The following RALGAPA2 variants were observed in gnomAD, a reference collection of about 807,000 sequenced individuals.
RALGAPA2 encodes Ral GTPase activating protein catalytic subunit alpha 2.
A neutral mutation model predicts 230.4 loss-of-function variants in RALGAPA2; 139 were observed. The ratio of observed to expected loss-of-function variants is 0.60; its 90% CI spans 0.53 to 0.69. The LOEUF (loss-of-function observed/expected upper bound fraction) is 0.69. RALGAPA2 is among the 30% of genes least tolerant of loss of function. RALGAPA2 has a pLI of 0.00. For synonymous variants in RALGAPA2, 847 were observed against 837.8 expected (o/e 1.01, Z -0.19); for missense variants, 2,163 against 2,276.0 (o/e 0.95, Z 1.01).
At chr20:20,635,654 TA>T in intron 8 of RALGAPA2, 37 bp from the exon 9 acceptor site, 2 of 1,451,386 alleles carry the variant, frequency 1.4e-6, no homozygotes, top group Non-Finnish European at 1.9e-6. Context: ...ATTAGGTTAA[TA>T]AATCATAACA....
intron 36 of RALGAPA2, among the ~76,000 whole-genome samples, chr20:20,488,054 T>G (rs917777409): frequency 6.6e-6 from 1 of 152,092 alleles, no homozygotes; most frequent in South Asian, 2.1e-4. Flanking sequence ...AATCCAAGCA[T>G]ACTTAATTCC....
chr20:20,649,802 G>A lies in RALGAPA2; in HGVS notation c.328+3728C>T, dbSNP rs187283592. On this transcript the variant is annotated intron_variant, in intron 4 of 39. Transcript: ENST00000202677. The stretch of plus-strand genomic sequence containing the variant: ...AACTTAAGTCCTGTGTTGACGATGC[G>A]CAGCCTGCCCTTATACCAAATATCC... 5.3e-5 allele frequency among the ~76,000 whole-genome samples: 8 copies of A among 152,218 alleles called. No individual in the cohort carries two copies. In the East Asian group the frequency reaches 9.6e-4, roughly 18 times the overall value.
At chr20:20,400,201 C>T (rs1325539872) in intron 38 of RALGAPA2, among the ~76,000 whole-genome samples, 1 of 152,204 alleles carries the variant, frequency 6.6e-6, no homozygotes. Flanking sequence ...TGGGAATTAG[C>T]CAGCCTAATT....
chr20:20,505,149 G>C (rs2062495149), intron 34 of RALGAPA2: 3 of 985,198 alleles, frequency 3.0e-6, no homozygotes, highest in South Asian at 4.7e-5. Flanking sequence ...TCTATGTCTG[G>C]GAGAGCCCAT....
chr20:20,705,855 G>C (rs1318614892), intron 1 of RALGAPA2, among the ~76,000 whole-genome samples: 1 of 152,154 alleles, frequency 6.6e-6, no homozygotes, highest in Non-Finnish European at 1.5e-5. Flanking sequence ...TTTTACTAGA[G>C]ACGGTGTTTC....
intron 37 of RALGAPA2, among the ~76,000 whole-genome samples, chr20:20,417,318 A>G (rs2060186570): frequency 6.6e-6 from 1 of 152,198 alleles, no homozygotes; most frequent in Non-Finnish European, 1.5e-5. Context: ...TTATTCTCTC[A>G]CTAGTTTTGG....
chr20:20,596,848 T>A (rs1019187088), intron 16 of RALGAPA2, among the ~76,000 whole-genome samples: 10 of 152,220 alleles, frequency 6.6e-5, no homozygotes, highest in African/African-American at 2.2e-4. Context: ...GTCCTGTGCA[T>A]TGCAGACTAT....
chr20:20,664,802 G>T (rs1442509173), intron 3 of RALGAPA2, among the ~76,000 whole-genome samples: 1 of 152,150 alleles, frequency 6.6e-6, no homozygotes. Flanking sequence ...CATAAATTCA[G>T]AGGATTTAAA....
rs189627021 is a variant in RALGAPA2 at position 20,629,446 on chromosome 20, G to C, written c.1150C>G (p.His384Asp). The C allele has an allele frequency of 2.1e-5, 34 of 1,613,862 alleles. No homozygotes were observed. The highest frequency in any genetic ancestry group is 3.3e-5 in the Admixed American group (2 of 60,008). Residue 384 changes from histidine (H) to aspartate (D), a missense_variant, in exon 10 of 40, where the codon CAC (histidine) becomes GAC (aspartate). His to Asp is a moderately conservative substitution (Grantham distance 81). Coordinates refer to ENST00000202677, the MANE Select transcript of RALGAPA2 (RefSeq NM_020343.4). ...TGTACCATTTCATACACCATTCGGT[G>C]CTCTTCTTCAATGCTACAGAGGCTG... ...NSSLCSIEEE[H>D]RMVYEMVQRI...
chr20:20,547,224 C>A (rs1293651124), intron 23 of RALGAPA2, among the ~76,000 whole-genome samples: 1 of 152,172 alleles, frequency 6.6e-6, no homozygotes, highest in Non-Finnish European at 1.5e-5. Flanking sequence ...ACAGTTAAAG[C>A]ACAGTTACAT....
chr20:20,493,129 A>ATTT (rs1225347039), intron 36 of RALGAPA2, among the ~76,000 whole-genome samples: 2 of 152,206 alleles, frequency 1.3e-5, no homozygotes, highest in African/African-American at 4.8e-5. Context: ...TCATTTGATT[A>ATTT]GGGAATGCAA....
At chr20:20,414,400 T>C (rs947903048) in intron 37 of RALGAPA2, among the ~76,000 whole-genome samples, 3 of 152,188 alleles carry the variant, frequency 2.0e-5, no homozygotes, top group Non-Finnish European at 4.4e-5. Flanking sequence ...AAAAAGGAAA[T>C]GCGTGCGCAT....
At chr20:20,522,966 C>A (rs573745826) in intron 30 of RALGAPA2, among the ~76,000 whole-genome samples, 2 of 152,072 alleles carry the variant, frequency 1.3e-5, no homozygotes, top group Admixed American at 1.3e-4. Flanking sequence ...TTATTAAAAT[C>A]TTTGACTACT....
intron 9 of RALGAPA2, among the ~76,000 whole-genome samples, chr20:20,631,675 G>A (rs1603131316): frequency 6.6e-6 from 1 of 152,314 alleles, no homozygotes; most frequent in African/African-American, 2.4e-5. Flanking sequence ...CTGACTTTCA[G>A]AACTGTAAGA....
At chr20:20,610,076 CTTTTACCT>C (rs2065933685) in intron 14 of RALGAPA2, among the ~76,000 whole-genome samples, 1 of 152,114 alleles carries the variant, frequency 6.6e-6, no homozygotes, top group Non-Finnish European at 1.5e-5. Context: ...CCTTTTGTCA[CTTTTACCT>C]ACATGTCCTA....
intron 12 of RALGAPA2, 35 bp downstream of exon 12, chr20:20,619,242 G>T (rs1311361324): frequency 1.9e-5 from 29 of 1,556,004 alleles, no homozygotes; most frequent in Non-Finnish European, 2.4e-5. Flanking sequence ...GCTGTAGGCG[G>T]TGGAGGGGTC....
At chr20:20,656,939 A>T (rs2067609280) in intron 3 of RALGAPA2, among the ~76,000 whole-genome samples, 1 of 152,204 alleles carries the variant, frequency 6.6e-6, no homozygotes, top group Non-Finnish European at 1.5e-5. Context: ...TGGCCTGGGG[A>T]TCACCAGATG....
Position 20,607,125 on chromosome 20 carries a change from G to A in RALGAPA2, c.1801-1713C>T, listed in dbSNP as rs148896676. ...ACTCTTGTCAGGAATTCTTCTTTGC[G>A]TAGGTGAGTTCACTTCTTAATTTTT... is the stretch of plus-strand genomic sequence containing the variant. On this transcript the variant is annotated intron_variant, in intron 14 of 39. Transcript: ENST00000202677. Among the ~76,000 whole-genome samples, 31 of 152,264 alleles carry A rather than the reference G, an allele frequency of 2.0e-4. No homozygotes were observed. In the East Asian group the frequency reaches 2.3e-3, roughly 11 times the overall value.
At position 20,535,802 on chromosome 20, in the gene RALGAPA2, T is replaced by G; in HGVS notation, c.3416A>C (p.His1139Pro). 1 of 1,546,280 alleles carries G rather than the reference T, an allele frequency of 6.5e-7. No homozygotes were observed. Among genetic ancestry groups the G allele is most frequent in the Non-Finnish European group, 8.7e-7 (1 of 1,144,548 alleles). ...CTTCAGTAAAATATTTATGAGGTAA[T>G]GCTAAAAACACAAAATTAAGTAAAA... is the stretch of plus-strand genomic sequence containing the variant. ...EAITGTEDVK[H>P]YLINILLKNA... Residue 1139 changes from histidine (H) to proline (P), a missense_variant and splice_region_variant, in exon 26 of 40, where the codon CAT (histidine) becomes CCT (proline). His to Pro is a moderately conservative substitution (Grantham distance 77). Transcript: ENST00000202677.
Sources: gnomAD v4.1 joint callset for allele counts (sites outside exome capture counted in the v4.1 genomes callset) on GRCh38, gnomAD v4.1.1 for gene constraint, MANE v1.5 for transcripts, NCBI Gene and HGNC (gene_info 2026-07-23, HGNC 2026-07-21) for gene names.